The following SGMS2 variants were observed in gnomAD, a reference collection of about 807,000 sequenced individuals.
SGMS2 encodes sphingomyelin synthase 2, also known as phosphatidylcholine:ceramide cholinephosphotransferase 2.
SGMS2 carries 21 observed loss-of-function variants against 43.8 expected under a neutral mutation model. The observed-to-expected ratio is 0.48, with a 90% CI of 0.34 to 0.69. The LOEUF (loss-of-function observed/expected upper bound fraction) is 0.69, where lower values mean the gene tolerates loss of function less well. Among genes scored for constraint, SGMS2 ranks in the 30% least tolerant of loss-of-function variants. The pLI is 0.01. For synonymous variants in SGMS2, 167 were observed against 160.6 expected (o/e 1.04, Z -0.30); for missense variants, 384 against 443.2 (o/e 0.87, Z 1.20).
chr4:107,895,822 T>G lies in SGMS2; in HGVS notation c.269T>G (p.Leu90Arg). ...GIAFIYAVFNLVLTTVMITVV... is the reference protein window; with the variant it reads ...GIAFIYAVFNRVLTTVMITVV... ...GCCTTCATATATGCAGTTTTCAACCTCGTCTTGACAACCGTCATGATCACA... is the reference window on the plus strand; with the variant it reads ...GCCTTCATATATGCAGTTTTCAACCGCGTCTTGACAACCGTCATGATCACA... Residue 90 changes from leucine to arginine, a missense_variant, in exon 3 of 7, where the codon CTC becomes CGC. Physicochemically the swap from Leu to Arg is moderately radical, Grantham distance 102 (BLOSUM62 -2). Transcript: ENST00000690982. 6.2e-7 allele frequency: 1 copy of G among 1,614,008 alleles called. No homozygotes were observed. Among genetic ancestry groups the G allele is most frequent in the Non-Finnish European group, 8.5e-7 (1 of 1,179,944 alleles).
intron 5 of SGMS2, among the ~76,000 whole-genome samples, chr4:107,904,897 T>C (rs1267854579): frequency 6.6e-6 from 1 of 152,140 alleles, no homozygotes; most frequent in African/African-American, 2.4e-5. Flanking sequence ...CTAGTGTAGA[T>C]GTACATTTGA....
At chr4:107,896,558 AG>A (rs1730687910) in intron 3 of SGMS2, among the ~76,000 whole-genome samples, 2 of 152,090 alleles carry the variant, frequency 1.3e-5, no homozygotes, top group African/African-American at 4.8e-5. Context: ...CTTGCTATCT[AG>A]TTACAAGTGT....
chr4:107,836,299 G>T (rs541089047), intron 1 of SGMS2, among the ~76,000 whole-genome samples: 19 of 152,244 alleles, frequency 1.2e-4, no homozygotes, highest in African/African-American at 4.3e-4. Flanking sequence ...TTCATTAAGC[G>T]TTGCCATCCA....
At position 107,894,018 on chromosome 4, in the gene SGMS2, G is replaced by C. The variant is rs888649761; in HGVS notation, c.-244-1292G>C. Among the ~76,000 whole-genome samples the C allele has an allele frequency of 8.5e-4, 130 of 152,160 alleles. 1 individual carries two copies. Among genetic ancestry groups the C allele is most frequent in the Non-Finnish European group, 1.9e-4 (13 of 68,030 alleles). Reference sequence around the variant, plus strand: ...ATAGCCTTCAGCACTGGGGCATTTAGGTGCACAGTAAACACTTGTGGTTTA... The same window carrying C: ...ATAGCCTTCAGCACTGGGGCATTTACGTGCACAGTAAACACTTGTGGTTTA... On this transcript the variant is annotated intron_variant, in intron 2 of 6. Transcript: ENST00000690982.
intron 1 of SGMS2, among the ~76,000 whole-genome samples, chr4:107,847,768 CT>C (rs1422654559): frequency 2.0e-5 from 3 of 152,066 alleles, no homozygotes; most frequent in Non-Finnish European, 4.4e-5. Flanking sequence ...CTGAGAAATA[CT>C]TTTTTGGTAA....
intron 2 of SGMS2, among the ~76,000 whole-genome samples, chr4:107,873,088 C>T (rs1193570204): frequency 6.6e-6 from 1 of 152,196 alleles, no homozygotes; most frequent in Non-Finnish European, 1.5e-5. Flanking sequence ...GTTCTGATTA[C>T]AGCTTAAATT....
intron 1 of SGMS2, among the ~76,000 whole-genome samples, chr4:107,853,475 C>T (rs1185502793): frequency 1.3e-5 from 2 of 152,180 alleles, no homozygotes; most frequent in Non-Finnish European, 2.9e-5. Flanking sequence ...GTCACATCTG[C>T]CATAGCCATA....
At chr4:107,878,677 T>C (rs1308604759) in intron 2 of SGMS2, among the ~76,000 whole-genome samples, 2 of 152,210 alleles carry the variant, frequency 1.3e-5, no homozygotes, top group Non-Finnish European at 2.9e-5. Context: ...TTAAAGCGAC[T>C]TCCCATGTGA....
rs576604601 is a variant in SGMS2, at chr4:107,913,215, A to G, written c.*2662A>G. On this transcript the variant is annotated 3_prime_UTR_variant, in exon 7 of 7. Coordinates refer to ENST00000690982, the MANE Select transcript of SGMS2 (RefSeq NM_001375905.1). The stretch of plus-strand genomic sequence containing the variant: ...AGGTTGTCTGTGAAATACCTATAAC[A>G]TATAATTCCTATAGAGTATGCCACA... 1.9e-4 allele frequency: 29 copies of G among 152,120 alleles called. No individual in the cohort carries two copies. Among genetic ancestry groups the G allele is most frequent in the Admixed American group, 6.6e-5 (1 of 15,260 alleles). 9.4% of individuals were successfully genotyped at this position (152,120 alleles called of 1,614,324 possible).
chr4:107,875,215 A>G (rs1056970921), intron 2 of SGMS2, among the ~76,000 whole-genome samples: 2 of 152,220 alleles, frequency 1.3e-5, no homozygotes, highest in Admixed American at 6.5e-5. Flanking sequence ...ATGTCTGTTC[A>G]TTGTAGCCCT....
intron 3 of SGMS2, among the ~76,000 whole-genome samples, chr4:107,897,746 C>T (rs561040004): frequency 1.3e-5 from 2 of 152,232 alleles, no homozygotes; most frequent in South Asian, 4.1e-4. Context: ...CACAAGTTTG[C>T]CTTTTTACAT....
intron 1 of SGMS2, among the ~76,000 whole-genome samples, chr4:107,836,686 G>A (rs946837315): frequency 6.6e-6 from 1 of 152,088 alleles, no homozygotes; most frequent in African/African-American, 2.4e-5. Context: ...GGGTAATGCT[G>A]TTTACTAATT....
At chr4:107,838,816 T>C (rs1032535639) in intron 1 of SGMS2, among the ~76,000 whole-genome samples, 1 of 152,198 alleles carries the variant, frequency 6.6e-6, no homozygotes, top group African/African-American at 2.4e-5. Context: ...CATCTGCTAC[T>C]GTGTTCTCTT....
In SGMS2 at chr4:107,908,662, C is replaced by T. The variant is rs745465409; in HGVS notation, c.825C>T (p.Ile275=). 30 of 1,613,846 alleles carry T rather than the reference C, an allele frequency of 1.9e-5. No homozygotes were observed. Among genetic ancestry groups the T allele is most frequent in the Admixed American group, 8.3e-5 (5 of 59,990 alleles). Residue 275 remains isoleucine, a synonymous_variant, in exon 6 of 7, where the codon ATC becomes ATT. Transcript: ENST00000690982. ...CILVAHEHYT[I]DVIIAYYITT... is the part of the protein sequence containing the mutation. Reference sequence around the variant, plus strand: ...TTGTAGCACACGAACACTACACTATCGATGTGATCATTGCTTATTATATCA... The same window carrying T: ...TTGTAGCACACGAACACTACACTATTGATGTGATCATTGCTTATTATATCA...
At chr4:107,906,452 G>A (rs1322883847) in intron 5 of SGMS2, among the ~76,000 whole-genome samples, 1 of 152,088 alleles carries the variant, frequency 6.6e-6, no homozygotes, top group African/African-American at 2.4e-5. Context: ...CAGTTTTTTG[G>A]TTTTTTGTTT....
chr4:107,892,524 G>A (rs1046411562), intron 2 of SGMS2, among the ~76,000 whole-genome samples: 5 of 152,136 alleles, frequency 3.3e-5, no homozygotes, highest in Admixed American at 2.6e-4. Context: ...CAAGGTTGAG[G>A]TTGCACACCC....
chr4:107,850,517 G>T (rs1371028245), intron 1 of SGMS2, among the ~76,000 whole-genome samples: 3 of 152,128 alleles, frequency 2.0e-5, no homozygotes, highest in African/African-American at 7.2e-5. Context: ...CTCTTTCTGT[G>T]TGGTAAACCC....
rs73838236 is a variant in SGMS2, at chr4:107,829,477, T to G, written c.-327+4224T>G. ...CACTTTATTAATTTCTAACAATGAC[T>G]TGTAATTCAAAGCAAAGTTTAAAGA... On this transcript the variant is annotated intron_variant, in intron 1 of 6. Coordinates refer to ENST00000690982, the MANE Select transcript of SGMS2 (RefSeq NM_001375905.1). Among the ~76,000 whole-genome samples the G allele has an allele frequency of 4.1e-3, 620 of 152,316 alleles. 4 individuals are homozygous for G. Among genetic ancestry groups the G allele is most frequent in the African/African-American group, 0.014 (594 of 41,578 alleles).
At chr4:107,899,534 C>A in intron 3 of SGMS2, 41 bp from the exon 4 acceptor site, 1 of 1,429,914 alleles carries the variant, frequency 7.0e-7, no homozygotes, top group South Asian at 1.2e-5. Flanking sequence ...GTAAAACCAA[C>A]CAGTAAACTT....
Sources: gnomAD v4.1 joint callset for allele counts (sites outside exome capture counted in the v4.1 genomes callset) on GRCh38, gnomAD v4.1.1 for gene constraint, MANE v1.5 for transcripts, NCBI Gene and HGNC (gene_info 2026-07-23, HGNC 2026-07-21) for gene names.